The following TAF1 variants were observed in gnomAD, a reference collection of about 807,000 sequenced individuals.
TAF1 encodes transcription initiation factor TFIID subunit 1.
In TAF1, 2 loss-of-function variants were observed where a neutral mutation model predicts 138.5. The observed-to-expected ratio is 0.01, with a 90% confidence interval of 0.01 to 0.05. The LOEUF (loss-of-function observed/expected upper bound fraction) is 0.05. TAF1 is among the 10% of genes least tolerant of loss of function. The pLI is 1.00. For synonymous variants in TAF1, 437 were observed against 503.2 expected, an observed-to-expected ratio of 0.87 and a Z score of 1.76; for missense variants, 709 against 1,478.0, an observed-to-expected ratio of 0.48 and a Z score of 8.53.
At chrX:71,407,931 C>T (rs773899628) in intron 27 of TAF1, 43 bp from the exon 28 acceptor site, 1 of 1,180,496 alleles carries the variant, frequency 8.5e-7, no homozygotes, top group South Asian at 1.9e-5. Flanking sequence ...TTGGCTCTGG[C>T]AACTGTTATT....
intron 13 of TAF1, among the ~76,000 whole-genome samples, chrX:71,527,414 A>G (rs1199556538): frequency 9.1e-6 from 1 of 110,022 alleles, no homozygotes; most frequent in African/African-American, 3.3e-5. Context: ...AGAAAAGAAA[A>G]ATTTCATTCA....
chrX:71,375,786 G>C (rs2033429385), intron 4 of TAF1, among the ~76,000 whole-genome samples: 1 of 112,373 alleles, frequency 8.9e-6, no homozygotes, highest in African/African-American at 3.2e-5. Flanking sequence ...CTGACCTCAA[G>C]TGATCCGCTC....
chrX:71,391,404 C>T (rs1023846463), intron 18 of TAF1, among the ~76,000 whole-genome samples: 1 of 110,573 alleles, frequency 9.0e-6, no homozygotes, highest in African/African-American at 3.3e-5. Flanking sequence ...TCTTTTGAGG[C>T]CAGGCGCAGT....
chrX:71,502,341 C>A (rs2039526788), intron 13 of TAF1, among the ~76,000 whole-genome samples: 1 of 109,861 alleles, frequency 9.1e-6, no homozygotes, highest in South Asian at 4.0e-4. Flanking sequence ...ATTTACAATC[C>A]TTTAGCGAGA....
chrX:71,503,096 C>T (rs1037340833), intron 13 of TAF1, among the ~76,000 whole-genome samples: 42 of 107,434 alleles, frequency 3.9e-4, no homozygotes, highest in Admixed American at 7.1e-4. Context: ...CATGGCGAAA[C>T]GCTGTTTCTA....
chrX:71,404,717 A>G (rs2035364662), intron 25 of TAF1, among the ~76,000 whole-genome samples: 1 of 110,708 alleles, frequency 9.0e-6, no homozygotes. Context: ...ATCTTCCCTT[A>G]TTTCATATTT....
chrX:71,411,538 G>A (rs147696004), intron 28 of TAF1, among the ~76,000 whole-genome samples: 2,175 of 111,936 alleles, frequency 0.019, 56 homozygotes, highest in African/African-American at 0.067. Context: ...TAACGTCAGA[G>A]CCTGTACTCT....
intron 28 of TAF1, 80 bp from the exon 29 acceptor site, chrX:71,421,229 G>A: frequency 1.1e-6 from 1 of 886,227 alleles, no homozygotes; most frequent in South Asian, 2.1e-5. Context: ...TCTTAAGTAA[G>A]TGCATTAAAA....
In TAF1 at chrX:71,374,945, C is replaced by T. The variant is rs186131182; in HGVS notation, c.353-222C>T. Among the ~76,000 whole-genome samples, 59 of 108,577 alleles carry T rather than the reference C, an allele frequency of 5.4e-4. No homozygotes were observed. In the East Asian group the frequency reaches 0.015, roughly 28 times the overall value. The allele number at this position is 108,577 out of a possible 115,157, so 94.3% of individuals were successfully genotyped here. On this transcript the variant is annotated intron_variant, in intron 3 of 37. Transcript: ENST00000423759. ...ACTAAAAATACAAAAATTAGCTGGG[C>T]GTGGTGGCACATTCCTGTAATCCCA...
intron 13 of TAF1, among the ~76,000 whole-genome samples, chrX:71,503,346 GTATA>G (rs1177943296): frequency 3.3e-5 from 3 of 91,726 alleles, no homozygotes; most frequent in South Asian, 4.8e-4. Context: ...ATATATATGT[GTATA>G]TATATATATA....
At chrX:71,398,839 A>G in intron 24 of TAF1, 102 bp downstream of exon 24, 3 of 1,056,274 alleles carry the variant, frequency 2.8e-6, no homozygotes, top group Non-Finnish European at 2.5e-6. Flanking sequence ...TGAGGGAAGT[A>G]TATTGTGGAA....
chrX:71,376,027 A>G lies in TAF1; in HGVS notation c.472+741A>G, dbSNP rs182806486. 4.7e-3 allele frequency among the ~76,000 whole-genome samples: 523 copies of G among 112,386 alleles called. 5 individuals carry two copies. Among genetic ancestry groups the G allele is most frequent in the African/African-American group, 0.016 (501 of 30,978 alleles). On this transcript the variant is annotated intron_variant, in intron 4 of 37. Transcript: ENST00000423759. ...CAACTACCAGATATTCAGAGATTTC[A>G]AAGGCTAGTAGAGTCTTCAGTGTTT... is the stretch of plus-strand genomic sequence containing the variant.
In TAF1 at chrX:71,433,267, A is replaced by AG. The variant is rs1248640596; in HGVS notation, c.4753+9029_4753+9030insG. 2.7e-5 allele frequency among the ~76,000 whole-genome samples: 3 copies of AG among 112,049 alleles called. No homozygotes were observed. In the East Asian group the frequency reaches 8.3e-4, roughly 31 times the overall value. ...ACTATTGGCACAAAGATTTGCAGGGATTTGGATAGGTTGTACATGTGAACA... is the reference window on the plus strand; with the variant it reads ...ACTATTGGCACAAAGATTTGCAGGGAGTTTGGATAGGTTGTACATGTGAACA... On this transcript the variant is annotated intron_variant, in intron 32 of 37. Coordinates refer to ENST00000423759, the MANE Select transcript of TAF1 (RefSeq NM_004606.5).
At chrX:71,469,320 A>G (rs761461967), downstream of TAF1, among the ~76,000 whole-genome samples, 58 of 111,800 alleles carry the variant, frequency 5.2e-4, no homozygotes, top group African/African-American at 1.9e-3. Flanking sequence ...AATGGGGAAA[A>G]GCTCATAACA....
At chrX:71,392,849 G>A (rs755500770) in intron 19 of TAF1, 26 bp from the exon 20 acceptor site, 3 of 1,206,752 alleles carry the variant, frequency 2.5e-6, no homozygotes, top group African/African-American at 3.5e-5. Flanking sequence ...GTTTTTAGGA[G>A]TCTCACTTTT....
intron 25 of TAF1, among the ~76,000 whole-genome samples, chrX:71,402,854 CATT>C (rs2035251909): frequency 9.0e-6 from 1 of 110,971 alleles, no homozygotes; most frequent in Non-Finnish European, 1.9e-5. Context: ...AGAAAGTTAA[CATT>C]AATGTAATAA....
chrX:71,453,338 C>T (rs2038129394), intron 32 of TAF1, among the ~76,000 whole-genome samples: 1 of 109,175 alleles, frequency 9.2e-6, no homozygotes, highest in South Asian at 4.1e-4. Context: ...GTAAGAGGAT[C>T]TCTTTAGGCC....
chrX:71,388,524 C>T, intron 16 of TAF1, 146 bp downstream of exon 16: 1 of 981,781 alleles, frequency 1.0e-6, no homozygotes, highest in Non-Finnish European at 1.4e-6. Flanking sequence ...ACTCTGGTTG[C>T]TTTTTTGAAT....
chrX:71,458,274 A>G lies in TAF1; in HGVS notation c.4972A>G (p.Ser1658Gly). The G allele has an allele frequency of 8.3e-7, 1 of 1,211,586 alleles. No homozygotes were observed. Among genetic ancestry groups the G allele is most frequent in the East Asian group, 3.0e-5 (1 of 33,858 alleles). The part of the protein sequence containing the change: ...PDLYDTNTSL[S>G]MSRDASVFQD... Reference sequence around the variant, plus strand: ...TTTGTATGATACCAACACATCCCTCAGTATGTCTCGAGATGCCTCTGTATT... The same window carrying G: ...TTTGTATGATACCAACACATCCCTCGGTATGTCTCGAGATGCCTCTGTATT... Residue 1658 changes from serine to glycine, a missense_variant, in exon 35 of 38, where the codon AGT (serine) becomes GGT (glycine). Physicochemically the swap from Ser to Gly is moderately conservative, Grantham distance 56. This residue lies in a region of TAF1 where 123 missense variants were observed against 174.7 expected (regional missense o/e 0.70). Transcript: ENST00000423759.
Sources: allele counts gnomAD v4.1 joint callset (sites outside exome capture counted in the v4.1 genomes callset), GRCh38; gene constraint gnomAD v4.1.1; regional missense constraint gnomAD v4.1.1; transcripts MANE v1.5; gene names NCBI Gene and HGNC (gene_info 2026-07-23, HGNC 2026-07-21).